The following NTSR1 variants were observed in gnomAD, a reference collection of about 807,000 sequenced individuals.
The protein encoded by NTSR1 is neurotensin receptor 1.
NTSR1 carries 29 observed loss-of-function variants against 31.2 expected under a neutral mutation model. The ratio of observed to expected loss-of-function variants is 0.93; its 90% CI spans 0.69 to 1.27. The LOEUF (loss-of-function observed/expected upper bound fraction) is 1.27. Ranked by LOEUF, NTSR1 falls within the 50% of genes most tolerant of loss-of-function variation. The pLI, the probability that NTSR1 is intolerant of heterozygous loss-of-function variation, is 0.00. For missense variants in NTSR1, 697 were observed against 595.4 expected (o/e 1.17, Z -1.78); for synonymous variants, 282 against 269.9 (o/e 1.04, Z -0.44).
intron 1 of NTSR1, among the ~76,000 whole-genome samples, chr20:62,728,040 G>T (rs1988938654): frequency 6.6e-6 from 1 of 152,246 alleles, no homozygotes; most frequent in South Asian, 2.1e-4. Flanking sequence ...GGCCAGTCTA[G>T]GCCCGGCCCC....
intron 1 of NTSR1, among the ~76,000 whole-genome samples, chr20:62,716,822 G>C (rs557420539): frequency 2.0e-5 from 3 of 152,240 alleles, no homozygotes; most frequent in African/African-American, 7.2e-5. Context: ...GCTCTGCAAG[G>C]GGGGCACGGA....
In NTSR1 at chr20:62,714,129, T is replaced by A. The variant is rs959594603; in HGVS notation, c.714+4208T>A. Among the ~76,000 whole-genome samples the A allele has an allele frequency of 6.6e-6, 1 of 151,562 alleles. No individual in the cohort carries two copies. Among genetic ancestry groups the A allele is most frequent in the African/African-American group, 2.4e-5 (1 of 41,202 alleles). On this transcript the variant is annotated intron_variant, in intron 1 of 3. Transcript: ENST00000370501. The surrounding 1 kb of genome is among the most constrained non-coding windows in gnomAD (Gnocchi z 4.1). ...GTTGCAGAAGAAGTTCTTCAAGGGG[T>A]CCTTAGGAACAGCCTGCTCCACTCT...
At position 62,709,829 on chromosome 20, in the gene NTSR1, G is replaced by C; in HGVS notation, c.622G>C (p.Gly208Arg). The change falls in exon 1 of 4, where the codon GGC (glycine) becomes CGC (arginine). Residue 208 changes from glycine to arginine, a missense_variant. Physicochemically the swap from Gly to Arg is moderately radical, Grantham distance 125 (BLOSUM62 -2). Coordinates refer to ENST00000370501, the MANE Select transcript of NTSR1 (RefSeq NM_002531.3). ...LLAVPMLFTM[G>R]EQNRSADGQH... ...GGCGGTGCCTATGCTGTTCACCATG[G>C]GCGAGCAGAACCGCAGCGCCGACGG... 5 of 1,612,350 alleles carry C rather than the reference G, an allele frequency of 3.1e-6. No individual in the cohort carries two copies. Among genetic ancestry groups the C allele is most frequent in the Non-Finnish European group, 4.2e-6 (5 of 1,179,660 alleles).
chr20:62,725,420 G>A (rs905719191), intron 1 of NTSR1, among the ~76,000 whole-genome samples: 1 of 152,176 alleles, frequency 6.6e-6, no homozygotes, highest in African/African-American at 2.4e-5. Context: ...GAGTGGGCTC[G>A]GGGCATTTGC....
Position 62,745,850 on chromosome 20 carries a change from C to T in NTSR1, c.715-8835C>T, listed in dbSNP as rs936535590. On this transcript the variant is annotated intron_variant, in intron 1 of 3. Transcript: ENST00000370501. The surrounding 1 kb of genome is among the most constrained non-coding windows in gnomAD (Gnocchi z 4.1). ...GGCGGTCTGGGAGTCCCAGCCACCA[C>T]GCGTCCCCCAGAATATTCATGGGGC... Among the ~76,000 whole-genome samples, 5 of 152,216 alleles carry T rather than the reference C, an allele frequency of 3.3e-5. No homozygotes were observed. Among genetic ancestry groups the T allele is most frequent in the South Asian group, 2.1e-4 (1 of 4,832 alleles).
Position 62,745,753 on chromosome 20 carries a change from C to T in NTSR1, c.715-8932C>T, listed in dbSNP as rs1473408317. On this transcript the variant is annotated intron_variant, in intron 1 of 3. Coordinates refer to ENST00000370501, the MANE Select transcript of NTSR1 (RefSeq NM_002531.3). The surrounding 1 kb of genome is among the most constrained non-coding windows in gnomAD (Gnocchi z 4.1). ...GATGGCCTTCTCTACAGCTGCTGAACAGCCTCGCCGTCCCCAGGGCTTCCC... is the reference window on the plus strand; with the variant it reads ...GATGGCCTTCTCTACAGCTGCTGAATAGCCTCGCCGTCCCCAGGGCTTCCC... 6.6e-6 allele frequency among the ~76,000 whole-genome samples: 1 copy of T among 152,246 alleles called. No homozygotes were observed. The highest frequency in any genetic ancestry group is 1.5e-5 in the Non-Finnish European group (1 of 68,042).
Position 62,733,144 on chromosome 20 carries a change from T to A in NTSR1, c.715-21541T>A, listed in dbSNP as rs1021619029. 4.0e-5 allele frequency: 6 copies of A among 148,354 alleles called. No individual in the cohort carries two copies. The highest frequency in any genetic ancestry group is 1.2e-4 in the African/African-American group (5 of 40,172). The allele number at this position is 148,354 out of a possible 1,614,324, so 9.2% of individuals were successfully genotyped here. A position where few individuals can be genotyped will look rare whatever the true frequency, so the allele number is the denominator to read the frequency against. ...ACTTGCAAATTCTGAGTGAAGTAAATGTCATCGGCAGTGTGTAGACGTTCT... is the reference window on the plus strand; with the variant it reads ...ACTTGCAAATTCTGAGTGAAGTAAAAGTCATCGGCAGTGTGTAGACGTTCT... On this transcript the variant is annotated intron_variant, in intron 1 of 3. Coordinates refer to ENST00000370501, the MANE Select transcript of NTSR1 (RefSeq NM_002531.3). This position sits in a 1 kb window ranked among gnomAD's most constrained non-coding sequence, Gnocchi z 5.2.
At chr20:62,730,996 G>A (rs1344166125) in intron 1 of NTSR1, among the ~76,000 whole-genome samples, 2 of 152,124 alleles carry the variant, frequency 1.3e-5, no homozygotes, top group Non-Finnish European at 2.9e-5. Flanking sequence ...CAAGTATTTT[G>A]CAAATATTTT....
intron 2 of NTSR1, among the ~76,000 whole-genome samples, chr20:62,755,852 T>TC (rs1555813047): frequency 2.4e-5 from 1 of 41,668 alleles, no homozygotes; most frequent in Non-Finnish European, 4.5e-5. Context: ...CCTCCATCCA[T>TC]CCTCCCTCCC....
Position 62,709,293 on chromosome 20 carries a change from C to T in NTSR1, c.86C>T (p.Ala29Val), listed in dbSNP as rs781334373. The stretch of plus-strand genomic sequence containing the variant: ...CGGGCGCAGGCCGGACTGGAGGAGG[C>T]GCTGCTGGCCCCGGGCTTCGGCAAC... ...FQRAQAGLEE[A>V]LLAPGFGNAS... is the part of the protein sequence containing the mutation. Residue 29 changes from alanine to valine, a missense_variant, in exon 1 of 4, where the codon GCG becomes GTG. Coordinates refer to ENST00000370501, the MANE Select transcript of NTSR1 (RefSeq NM_002531.3). 88 of 1,591,782 alleles carry T rather than the reference C, an allele frequency of 5.5e-5. No individual in the cohort carries two copies. The highest frequency in any genetic ancestry group is 7.2e-5 in the Non-Finnish European group (84 of 1,172,820).
chr20:62,710,812 C>G (rs779534087), intron 1 of NTSR1, among the ~76,000 whole-genome samples: 3 of 152,094 alleles, frequency 2.0e-5, no homozygotes, highest in Non-Finnish European at 2.9e-5. Context: ...CAGGGCCGGT[C>G]GGGAACTTTG....
At position 62,744,201 on chromosome 20, in the gene NTSR1, A is replaced by G. The variant is rs1171809579; in HGVS notation, c.715-10484A>G. 6.6e-6 allele frequency among the ~76,000 whole-genome samples: 1 copy of G among 152,030 alleles called. No homozygotes were observed. Among genetic ancestry groups the G allele is most frequent in the African/African-American group, 2.4e-5 (1 of 41,374 alleles). Reference sequence around the variant, plus strand: ...CAATTTGCTTCCTTTCCCACACCCAAGGGAGCACAGTCAGTGCTCCAGGAA... The same window carrying G: ...CAATTTGCTTCCTTTCCCACACCCAGGGGAGCACAGTCAGTGCTCCAGGAA... On this transcript the variant is annotated intron_variant, in intron 1 of 3. Transcript: ENST00000370501. This position sits in a 1 kb window ranked among gnomAD's most constrained non-coding sequence, Gnocchi z 4.1.
chr20:62,716,618 AAAC>A (rs1365033830), intron 1 of NTSR1, among the ~76,000 whole-genome samples: 1 of 49,478 alleles, frequency 2.0e-5, no homozygotes. Flanking sequence ...AGTCTGTGAA[AAAC>A]AACAGCAGCA....
chr20:62,740,888 T>A (rs1447821141), intron 1 of NTSR1, among the ~76,000 whole-genome samples: 1 of 152,230 alleles, frequency 6.6e-6, no homozygotes, highest in Non-Finnish European at 1.5e-5. Context: ...CCTCAACCGC[T>A]GGCTGTCACC....
chr20:62,741,719 T>G lies in NTSR1; in HGVS notation c.715-12966T>G, dbSNP rs1600729843. 6.7e-6 allele frequency among the ~76,000 whole-genome samples: 1 copy of G among 149,706 alleles called. No homozygotes were observed. The highest frequency in any genetic ancestry group is 2.5e-5 in the African/African-American group (1 of 40,166). ...GAGGCTGTGGGGCAGGCTCAGTCCC[T>G]GAGAGGTCGCCAAGGAGCCACAGCC... On this transcript the variant is annotated intron_variant, in intron 1 of 3. Transcript: ENST00000370501. This position sits in a 1 kb window ranked among gnomAD's most constrained non-coding sequence, Gnocchi z 4.3.
chr20:62,726,382 C>G (rs570463518), intron 1 of NTSR1, among the ~76,000 whole-genome samples: 15 of 152,348 alleles, frequency 9.8e-5, no homozygotes, highest in African/African-American at 3.4e-4. Flanking sequence ...CTCCTGCCCT[C>G]AAGAAACTGC....
intron 1 of NTSR1, among the ~76,000 whole-genome samples, chr20:62,727,878 G>C (rs1164193234): frequency 6.6e-6 from 1 of 152,252 alleles, no homozygotes; most frequent in Admixed American, 6.5e-5. Flanking sequence ...AGTGGGCAAA[G>C]GGACAGACCT....
rs368494260 is a variant in NTSR1, at chr20:62,709,671, C to T, written c.464C>T (p.Thr155Met). ...YFLRDACTYA[T>M]ALNVASLSVE... ...CTGCGCGACGCCTGCACCTACGCCA[C>T]GGCCCTCAACGTGGCCAGCCTGAGT... The change falls in exon 1 of 4, where the codon ACG (threonine) becomes ATG (methionine). Residue 155 changes from threonine (T) to methionine (M), a missense_variant. Physicochemically the swap from Thr to Met is moderately conservative, Grantham distance 81. Transcript: ENST00000370501. 1.7e-5 allele frequency: 28 copies of T among 1,612,604 alleles called. No individual in the cohort carries two copies. The highest frequency in any genetic ancestry group is 2.7e-5 in the African/African-American group (2 of 74,930).
intron 2 of NTSR1, among the ~76,000 whole-genome samples, chr20:62,756,301 G>C (rs1446524309): frequency 6.6e-6 from 1 of 152,248 alleles, no homozygotes; most frequent in Non-Finnish European, 1.5e-5. Flanking sequence ...CTGCAGGCGA[G>C]GGGATGGCTG....
Sources: allele counts gnomAD v4.1 joint callset (sites outside exome capture counted in the v4.1 genomes callset), GRCh38; gene constraint gnomAD v4.1.1; non-coding constraint Gnocchi (gnomAD v3.1); transcripts MANE v1.5; gene names NCBI Gene and HGNC (gene_info 2026-07-23, HGNC 2026-07-21).